The following CELF2 variants were observed in gnomAD, a reference collection of about 807,000 sequenced individuals.
The protein encoded by CELF2 is CUG triplet repeat RNA-binding protein 2.
CELF2 carries 8 observed loss-of-function variants against 62.6 expected under a neutral mutation model. The observed-to-expected ratio is 0.13, with a 90% confidence interval of 0.07 to 0.23. The LOEUF is 0.23. Ranked by LOEUF, CELF2 falls within the 10% of genes least tolerant of loss-of-function variation. The probability of loss-of-function intolerance (pLI) is 1.00; values close to 1 mark genes in which losing one functional copy is unlikely to be tolerated. For missense variants in CELF2, 333 were observed against 671.0 expected (o/e 0.50, Z 5.56); for synonymous variants, 258 against 250.0 (o/e 1.03, Z -0.30).
At chr10:10,676,760 A>G in the CELF2 span, among the ~76,000 whole-genome samples, 1 of 152,142 alleles carries the variant, frequency 6.6e-6, no homozygotes, top group South Asian at 2.1e-4. Flanking sequence ...TTGTCCTGTG[A>G]ACCTACTTCT....
At chr10:10,987,119 A>G (rs925064350) in intron 2 of CELF2, among the ~76,000 whole-genome samples, 1 of 152,202 alleles carries the variant, frequency 6.6e-6, no homozygotes, top group South Asian at 2.1e-4. Context: ...TCATGTCACA[A>G]GGTATTAAAG....
the CELF2 span, among the ~76,000 whole-genome samples, chr10:10,691,641 T>C: frequency 1.3e-5 from 2 of 151,218 alleles, no homozygotes; most frequent in South Asian, 2.1e-4. Flanking sequence ...AAAGTGTTCC[T>C]ATTTCTCCAC....
chr10:11,303,024 G>A (rs913190620), intron 9 of CELF2, among the ~76,000 whole-genome samples: 48 of 152,224 alleles, frequency 3.2e-4, no homozygotes, highest in African/African-American at 1.1e-3. Flanking sequence ...GATACATGTC[G>A]GAGGCATCTG....
intron 3 of CELF2, among the ~76,000 whole-genome samples, chr10:11,226,009 C>T (rs887707995): frequency 2.0e-5 from 3 of 152,210 alleles, no homozygotes; most frequent in African/African-American, 7.2e-5. Context: ...ATTTCTAGGA[C>T]TGCCCAGTTG....
the CELF2 span, among the ~76,000 whole-genome samples, chr10:10,535,592 C>T: frequency 1.2e-4 from 18 of 152,010 alleles, no homozygotes; most frequent in African/African-American, 3.4e-4. Context: ...TGGTGGCGGG[C>T]GCCTGTAATC....
the CELF2 span, among the ~76,000 whole-genome samples, chr10:10,785,171 A>G: frequency 1.5e-3 from 233 of 152,296 alleles, 1 homozygote; most frequent in African/African-American, 5.3e-3. Flanking sequence ...ATGGTGATCA[A>G]TCAGGGATCC....
At chr10:10,693,626 G>A in the CELF2 span, among the ~76,000 whole-genome samples, 1,139 of 151,194 alleles carry the variant, frequency 7.5e-3, 4 homozygotes, top group African/African-American at 9.8e-3. Context: ...ATTCGGCTGT[G>A]AATCCGTCTG....
chr10:10,798,390 A>G (rs1034499436), upstream of CELF2: 4 of 186,744 alleles, frequency 2.1e-5, no homozygotes, highest in Admixed American at 1.2e-4. Context: ...GATTGCTGGT[A>G]AAGTCCAGAG....
chr10:10,873,806 G>A (rs756884570), intron 1 of CELF2, among the ~76,000 whole-genome samples: 15 of 152,076 alleles, frequency 9.9e-5, no homozygotes, highest in Admixed American at 6.5e-4. Flanking sequence ...AATCCTCCTT[G>A]TCGGTTTCCA....
the CELF2 span, among the ~76,000 whole-genome samples, chr10:10,710,767 A>G: frequency 6.6e-6 from 1 of 152,220 alleles, no homozygotes; most frequent in Admixed American, 6.5e-5. Context: ...GAATCAGTAG[A>G]AAGCTATGGA....
rs1041801239 is a variant in CELF2, at chr10:10,936,742, G to A, written c.89+16743G>A. On this transcript the variant is annotated intron_variant, in intron 2 of 13. Coordinates refer to the CELF2 transcript ENST00000636488. The surrounding 1 kb of genome is among the most constrained non-coding windows in gnomAD (Gnocchi z 4.0). ...CTGAAACAAGCAAAAGCAAAGTGCTGAAACAAGTGTCGATGCTGGCATATC... is the reference window on the plus strand; with the variant it reads ...CTGAAACAAGCAAAAGCAAAGTGCTAAAACAAGTGTCGATGCTGGCATATC... 2 of 152,208 alleles carry A rather than the reference G, an allele frequency of 1.3e-5. No individual in the cohort carries two copies. Among genetic ancestry groups the A allele is most frequent in the Non-Finnish European group, 2.9e-5 (2 of 68,056 alleles). 9.4% of individuals were successfully genotyped at this position (152,208 alleles called of 1,614,324 possible).
At chr10:10,918,642 A>G (rs1591904162) in intron 1 of CELF2, among the ~76,000 whole-genome samples, 1 of 152,310 alleles carries the variant, frequency 6.6e-6, no homozygotes. Context: ...GAATTGACAC[A>G]GTAGGAAAAG....
At chr10:10,615,528 T>C in the CELF2 span, among the ~76,000 whole-genome samples, 6,046 of 152,226 alleles carry the variant, frequency 0.04, 166 homozygotes, top group Non-Finnish European at 0.062. Context: ...GTTGATATGG[T>C]TTGAATTTGT....
intron 5 of CELF2, among the ~76,000 whole-genome samples, chr10:11,261,936 C>T (rs1475354228): frequency 6.6e-6 from 1 of 152,236 alleles, no homozygotes; most frequent in African/African-American, 2.4e-5. Context: ...CACACACTCT[C>T]ACTTACCCAC....
chr10:11,222,248 C>G (rs1308404999), intron 3 of CELF2, among the ~76,000 whole-genome samples: 2 of 152,206 alleles, frequency 1.3e-5, no homozygotes, highest in Non-Finnish European at 2.9e-5. Context: ...TTTGAACCAC[C>G]TCTCCTACTT....
intron 1 of CELF2, among the ~76,000 whole-genome samples, chr10:11,116,864 C>T (rs1415898973): frequency 6.6e-6 from 1 of 152,172 alleles, no homozygotes; most frequent in Non-Finnish European, 1.5e-5. Context: ...TTAACCAACA[C>T]TTACACAACA....
the CELF2 span, among the ~76,000 whole-genome samples, chr10:10,778,774 G>C: frequency 6.6e-6 from 1 of 152,178 alleles, no homozygotes; most frequent in Non-Finnish European, 1.5e-5. Context: ...ATCTCGGTCT[G>C]CTGGGCACAG....
At chr10:10,640,193 G>A in the CELF2 span, among the ~76,000 whole-genome samples, 3 of 152,124 alleles carry the variant, frequency 2.0e-5, no homozygotes, top group Admixed American at 2.0e-4. Context: ...AACACACCAA[G>A]GATGAAAACC....
intron 1 of CELF2, among the ~76,000 whole-genome samples, chr10:10,850,733 A>C (rs1226793565): frequency 6.6e-6 from 1 of 152,164 alleles, no homozygotes; most frequent in Non-Finnish European, 1.5e-5. Context: ...ACAATAACCT[A>C]ATGGGGTGCA....
Sources: allele counts gnomAD v4.1 joint callset (sites outside exome capture counted in the v4.1 genomes callset), GRCh38; gene constraint gnomAD v4.1.1; non-coding constraint Gnocchi (gnomAD v3.1); transcripts MANE v1.5; gene names NCBI Gene and HGNC (gene_info 2026-07-23, HGNC 2026-07-21).